TBCK: variants seen among roughly 807,000 people sequenced by gnomAD.
TBCK encodes the protein TBC1 domain containing kinase, also known as TBC domain-containing protein kinase-like protein.
Under a neutral mutation model 113.4 loss-of-function variants are expected in TBCK, and 99 were observed. The observed-to-expected ratio is 0.87, with a 90% CI of 0.74 to 1.03. The LOEUF (loss-of-function observed/expected upper bound fraction) is 1.03, where lower values mean the gene tolerates loss of function less well. Among genes scored for constraint, TBCK ranks in the 50% least tolerant of loss-of-function variants. The pLI, the probability that TBCK is intolerant of heterozygous loss-of-function variation, is 0.00. For missense variants in TBCK, 1,045 were observed against 1,061.3 expected, an observed-to-expected ratio of 0.98 and a Z score of 0.21; for synonymous variants, 369 against 370.8, an observed-to-expected ratio of 1.00 and a Z score of 0.05.
At chr4:106,122,120 A>G (rs1744477291) in intron 23 of TBCK, among the ~76,000 whole-genome samples, 1 of 152,128 alleles carries the variant, frequency 6.6e-6, no homozygotes, top group Non-Finnish European at 1.5e-5. Flanking sequence ...AAATTGATAG[A>G]CCGCTAGCAA....
intron 23 of TBCK, among the ~76,000 whole-genome samples, chr4:106,126,871 A>C (rs1233118325): frequency 6.6e-6 from 1 of 152,208 alleles, no homozygotes; most frequent in Non-Finnish European, 1.5e-5. Flanking sequence ...ACTGGAGATG[A>C]CAGTTGCTAC....
chr4:106,177,183 T>C lies in TBCK; in HGVS notation c.2060-5913A>G, dbSNP rs1751777070. 2.0e-5 allele frequency among the ~76,000 whole-genome samples: 3 copies of C among 152,100 alleles called. No homozygotes were observed. In the South Asian group the frequency reaches 6.2e-4, roughly 32 times the overall value. On this transcript the variant is annotated intron_variant, in intron 22 of 25. Transcript: ENST00000394708. ...GTCTATTCAGATCATCTACCCGTTT[T>C]TTAAATAGGATTGTTTTTTGGCTAT...
At chr4:106,259,414 C>T (rs1191802740) in intron 5 of TBCK, among the ~76,000 whole-genome samples, 1 of 151,788 alleles carries the variant, frequency 6.6e-6, no homozygotes, top group Non-Finnish European at 1.5e-5. Flanking sequence ...AAAACAGTCA[C>T]ATTACAATTG....
intron 25 of TBCK, among the ~76,000 whole-genome samples, chr4:106,057,063 T>C (rs1024116589): frequency 7.9e-5 from 12 of 151,734 alleles, no homozygotes; most frequent in African/African-American, 2.4e-4. Flanking sequence ...TTGAATCACA[T>C]AGTAACAGCA....
chr4:106,058,647 G>C (rs968655137), intron 25 of TBCK, among the ~76,000 whole-genome samples: 3 of 151,738 alleles, frequency 2.0e-5, no homozygotes, highest in Non-Finnish European at 4.4e-5. Flanking sequence ...AAGAGGGTGA[G>C]GGAGCAGCGG....
chr4:106,300,062 A>T (rs1330987059), intron 2 of TBCK, among the ~76,000 whole-genome samples: 1 of 152,118 alleles, frequency 6.6e-6, no homozygotes, highest in Non-Finnish European at 1.5e-5. Context: ...TGTTCTTGTG[A>T]TAATTAATAA....
In TBCK at chr4:106,041,761, G is replaced by A. The variant is rs980972968; in HGVS notation, c.*4809C>T. 2.0e-5 allele frequency: 3 copies of A among 152,148 alleles called. No individual in the cohort carries two copies. The highest frequency in any genetic ancestry group is 4.4e-5 in the Non-Finnish European group (3 of 68,012). 9.4% of individuals were successfully genotyped at this position (152,148 alleles called of 1,614,324 possible). The stretch of plus-strand genomic sequence containing the variant: ...GGAGACATTAGGCCTGAAAGTCACC[G>A]TAGAAGCTATACAGATCACAATCTA... On this transcript the variant is annotated 3_prime_UTR_variant, in exon 26 of 26. Transcript: ENST00000394708.
chr4:106,216,021 A>T (rs1756861810), intron 19 of TBCK, among the ~76,000 whole-genome samples: 1 of 150,198 alleles, frequency 6.7e-6, no homozygotes, highest in African/African-American at 2.4e-5. Context: ...ACTATCTCTC[A>T]GACCACAGTG....
At chr4:106,161,868 C>G (rs1266639715) in intron 23 of TBCK, among the ~76,000 whole-genome samples, 2 of 152,044 alleles carry the variant, frequency 1.3e-5, no homozygotes, top group Admixed American at 6.6e-5. Context: ...TGCTATGATT[C>G]CATTTATTTA....
chr4:106,290,388 A>AG (rs1216681943), intron 3 of TBCK, among the ~76,000 whole-genome samples: 21 of 152,130 alleles, frequency 1.4e-4, no homozygotes, highest in Middle Eastern at 3.4e-3. Flanking sequence ...CATGTTAGCC[A>AG]GATGGTCTCG....
intron 25 of TBCK, among the ~76,000 whole-genome samples, chr4:106,091,873 T>C (rs139338541): frequency 0.06 from 9,167 of 152,212 alleles, 322 homozygotes; most frequent in Middle Eastern, 0.12. Context: ...GATTGGTCCA[T>C]TTTACAGAGA....
intron 2 of TBCK, among the ~76,000 whole-genome samples, chr4:106,305,884 T>C (rs953229937): frequency 2.6e-5 from 4 of 152,212 alleles, no homozygotes; most frequent in African/African-American, 7.2e-5. Flanking sequence ...AGTGACCTTA[T>C]ACGGTCTGAA....
chr4:106,259,158 A>G (rs13133348), intron 5 of TBCK, among the ~76,000 whole-genome samples: 1,650 of 152,062 alleles, frequency 0.011, 18 homozygotes, highest in Non-Finnish European at 0.017. Context: ...ATTATTATCT[A>G]TGTCTTAATA....
intron 19 of TBCK, among the ~76,000 whole-genome samples, chr4:106,225,987 C>G (rs1383091600): frequency 1.3e-5 from 2 of 151,822 alleles, no homozygotes; most frequent in Non-Finnish European, 2.9e-5. Flanking sequence ...CATGGCCAAA[C>G]TCTTATCTCT....
chr4:106,246,527 G>A (rs1441839762), intron 10 of TBCK, among the ~76,000 whole-genome samples: 1 of 151,830 alleles, frequency 6.6e-6, no homozygotes, highest in Non-Finnish European at 1.5e-5. Context: ...AAATTATATA[G>A]AATATCAGTA....
intron 22 of TBCK, among the ~76,000 whole-genome samples, chr4:106,187,232 G>A (rs1383460377): frequency 6.6e-6 from 1 of 151,840 alleles, no homozygotes; most frequent in African/African-American, 2.4e-5. Flanking sequence ...CTCTTTTTTG[G>A]TTCCATATAA....
rs564682927 is a variant in TBCK, at chr4:106,306,631, C to T, written c.193+2137G>A. 2.3e-4 allele frequency among the ~76,000 whole-genome samples: 35 copies of T among 152,128 alleles called. No homozygotes were observed. The South Asian group carries it at 7.0e-3, about 31-fold the overall frequency. On this transcript the variant is annotated intron_variant, in intron 2 of 25. Transcript: ENST00000394708. ...TCAAGGGTTACCAAGGTATTATAAC[C>T]CCAGTGTACATGTTTGTCAAAGCAG...
intron 19 of TBCK, among the ~76,000 whole-genome samples, chr4:106,225,566 T>C (rs899789345): frequency 6.6e-6 from 1 of 152,114 alleles, no homozygotes; most frequent in African/African-American, 2.4e-5. Flanking sequence ...TTCAAGTGAT[T>C]CTCCTGCCTC....
intron 23 of TBCK, among the ~76,000 whole-genome samples, chr4:106,135,043 G>A (rs576167250): frequency 3.3e-5 from 5 of 152,104 alleles, no homozygotes; most frequent in South Asian, 2.1e-4. Flanking sequence ...TGATAAAATC[G>A]TCTTAATATC....
Sources: gnomAD v4.1 joint callset for allele counts (sites outside exome capture counted in the v4.1 genomes callset) on GRCh38, gnomAD v4.1.1 for gene constraint, MANE v1.5 for transcripts, NCBI Gene and HGNC (gene_info 2026-07-23, HGNC 2026-07-21) for gene names.